PDE4D: variants seen among roughly 807,000 people sequenced by gnomAD.
The protein encoded by PDE4D is 3',5'-cyclic-AMP phosphodiesterase 4D.
A neutral mutation model predicts 87.4 loss-of-function variants in PDE4D; 24 were observed. The observed-to-expected ratio is 0.27, with a 90% confidence interval of 0.20 to 0.39. PDE4D has a LOEUF of 0.39. PDE4D is among the 10% of genes least tolerant of loss of function. The probability of loss-of-function intolerance (pLI) is 1.00; values close to 1 mark genes in which losing one functional copy is unlikely to be tolerated. For synonymous variants in PDE4D, 384 were observed against 383.2 expected, an observed-to-expected ratio of 1.00 and a Z score of -0.02; for missense variants, 714 against 1,041.0, an observed-to-expected ratio of 0.69 and a Z score of 4.32.
At chr5:59,173,472 T>C (rs1783335039) in intron 5 of PDE4D, among the ~76,000 whole-genome samples, 1 of 152,242 alleles carries the variant, frequency 6.6e-6, no homozygotes, top group African/African-American at 2.4e-5. Flanking sequence ...TTCAGTTCAA[T>C]GTTTTTACCG....
At chr5:59,770,449 A>C (rs1354822485) in intron 1 of PDE4D, among the ~76,000 whole-genome samples, 1 of 152,138 alleles carries the variant, frequency 6.6e-6, no homozygotes, top group Non-Finnish European at 1.5e-5. Context: ...TGATGAGAAA[A>C]CTCTGGGTAA....
chr5:59,023,901 C>CT (rs200528506), intron 6 of PDE4D, among the ~76,000 whole-genome samples: 9,250 of 133,258 alleles, frequency 0.069, 425 homozygotes, highest in Non-Finnish European at 0.092. Flanking sequence ...ATGAATTCTA[C>CT]TTTTTTTTTT....
chr5:59,096,359 G>A (rs1448873242), intron 5 of PDE4D, among the ~76,000 whole-genome samples: 1 of 152,118 alleles, frequency 6.6e-6, no homozygotes, highest in Non-Finnish European at 1.5e-5. Flanking sequence ...TACAAGGAGA[G>A]GTTCTATTTC....
At chr5:59,386,243 T>C (rs896701671) in intron 1 of PDE4D, among the ~76,000 whole-genome samples, 16 of 152,292 alleles carry the variant, frequency 1.1e-4, no homozygotes, top group African/African-American at 3.8e-4. Context: ...GTAGAAAAGG[T>C]ATAAGAACAT....
At chr5:59,474,648 A>G (rs1372062651) in intron 1 of PDE4D, among the ~76,000 whole-genome samples, 2 of 152,148 alleles carry the variant, frequency 1.3e-5, no homozygotes, top group Non-Finnish European at 2.9e-5. Flanking sequence ...TACAATAAGT[A>G]GAGCCTCTTG....
chr5:59,961,148 T>G (rs1428342425), intron 3 of PDE4D, among the ~76,000 whole-genome samples: 1 of 152,146 alleles, frequency 6.6e-6, no homozygotes, highest in Non-Finnish European at 1.5e-5. Context: ...GAATGTAAAC[T>G]TACTTGTAAA....
intron 3 of PDE4D, among the ~76,000 whole-genome samples, chr5:59,963,040 C>T (rs1759650102): frequency 6.6e-6 from 1 of 152,168 alleles, no homozygotes; most frequent in Middle Eastern, 3.4e-3. Context: ...CTGTGGAGAT[C>T]CAAAGAAGTC....
intron 1 of PDE4D, among the ~76,000 whole-genome samples, chr5:59,224,977 G>A (rs1381515314): frequency 6.6e-6 from 1 of 152,116 alleles, no homozygotes; most frequent in African/African-American, 2.4e-5. Context: ...CAACCAGAAA[G>A]CCCCAACCAA....
chr5:60,317,017 G>C (rs1755676333), intron 1 of PDE4D, among the ~76,000 whole-genome samples: 1 of 148,870 alleles, frequency 6.7e-6, no homozygotes, highest in Non-Finnish European at 1.5e-5. Flanking sequence ...GAGTTAGGAA[G>C]GATTCCCTCT....
chr5:59,705,836 T>C (rs990117157), intron 1 of PDE4D, among the ~76,000 whole-genome samples: 5 of 152,128 alleles, frequency 3.3e-5, no homozygotes, highest in Admixed American at 6.6e-5. Flanking sequence ...TCTCTACTTA[T>C]CCTCTTGTAG....
Position 60,300,697 on chromosome 5 carries a change from A to T in PDE4D, c.-89-115010T>A, listed in dbSNP as rs184718277. 6.6e-5 allele frequency among the ~76,000 whole-genome samples: 10 copies of T among 151,856 alleles called. No homozygotes were observed. The East Asian group carries it at 1.9e-3, about 29-fold the overall frequency. ...CTTGTTTCTGTTAGATTTGTCAAAG[A>T]TCAGATGTTGGAGGTGTGTGGTATT... On this transcript the variant is annotated intron_variant, in intron 1 of 16. Coordinates refer to the PDE4D transcript ENST00000502484.
At chr5:59,564,821 G>A (rs1377762544) in intron 1 of PDE4D, among the ~76,000 whole-genome samples, 1 of 152,142 alleles carries the variant, frequency 6.6e-6, no homozygotes, top group Non-Finnish European at 1.5e-5. Flanking sequence ...GAGGAGCGAT[G>A]TTTGAAAAAG....
intron 1 of PDE4D, among the ~76,000 whole-genome samples, chr5:59,410,657 G>T (rs1372421342): frequency 6.6e-6 from 1 of 151,820 alleles, no homozygotes; most frequent in South Asian, 2.1e-4. Context: ...CTATGCTGTT[G>T]CAAATTACAC....
intron 1 of PDE4D, among the ~76,000 whole-genome samples, chr5:59,695,717 T>A (rs933244329): frequency 1.3e-5 from 2 of 152,184 alleles, no homozygotes; most frequent in African/African-American, 4.8e-5. Flanking sequence ...TCCTCCTGCC[T>A]CAGCCCCCCA....
At chr5:59,821,085 T>A (rs1436591926) in intron 1 of PDE4D, among the ~76,000 whole-genome samples, 1 of 152,010 alleles carries the variant, frequency 6.6e-6, no homozygotes, top group Non-Finnish European at 1.5e-5. Flanking sequence ...TAACAAAAAC[T>A]AGCTGGGAGT....
intron 1 of PDE4D, among the ~76,000 whole-genome samples, chr5:59,410,503 T>A (rs1427611732): frequency 6.6e-6 from 1 of 152,164 alleles, no homozygotes; most frequent in African/African-American, 2.4e-5. Context: ...TGCCTCAGCC[T>A]CCCAAAGTGC....
At chr5:60,382,812 G>C (rs75365645) in intron 1 of PDE4D, among the ~76,000 whole-genome samples, 1,663 of 152,210 alleles carry the variant, frequency 0.011, 14 homozygotes, top group Middle Eastern at 0.048. Context: ...TTGGTTCTAG[G>C]GCTGCATATG....
intron 1 of PDE4D, among the ~76,000 whole-genome samples, chr5:59,298,783 A>C (rs370700390): frequency 3.9e-5 from 6 of 152,304 alleles, no homozygotes; most frequent in African/African-American, 1.4e-4. Flanking sequence ...TTGTAAAAAA[A>C]ATTTAAATTT....
At chr5:59,975,001 T>C (rs1363086825) in intron 3 of PDE4D, among the ~76,000 whole-genome samples, 2 of 152,152 alleles carry the variant, frequency 1.3e-5, no homozygotes, top group African/African-American at 2.4e-5. Flanking sequence ...GGTACTCTGG[T>C]TCTCAATGCC....
Sources: allele counts gnomAD v4.1 joint callset (sites outside exome capture counted in the v4.1 genomes callset), GRCh38; gene constraint gnomAD v4.1.1; transcripts MANE v1.5; gene names NCBI Gene and HGNC (gene_info 2026-07-23, HGNC 2026-07-21).